Variants in PCDHGA5 observed in about 807,000 individuals in gnomAD.
The protein encoded by PCDHGA5 is protocadherin gamma subfamily A, 5, also known as protocadherin gamma-A5.
In PCDHGA5, 36 loss-of-function variants were observed where a neutral mutation model predicts 56.7. That is an observed-to-expected ratio of 0.64 (90% confidence interval 0.49 to 0.84). The LOEUF (loss-of-function observed/expected upper bound fraction) is 0.84. Among genes scored for constraint, PCDHGA5 ranks in the 40% least tolerant of loss-of-function variants. The pLI is 0.00. For missense variants in PCDHGA5, 1,305 were observed against 1,201.5 expected, an observed-to-expected ratio of 1.09 and a Z score of -1.27; for synonymous variants, 563 against 520.2, an observed-to-expected ratio of 1.08 and a Z score of -1.12.
rs563642216 is a variant in PCDHGA5, at chr5:141,376,735, G to A, written c.2421+9984G>A. The A allele has an allele frequency of 1.9e-5, 10 of 521,610 alleles. 1 individual carries two copies. The South Asian group carries it at 2.3e-4, about 12-fold the overall frequency. 32.3% of individuals were successfully genotyped at this position (521,610 alleles called of 1,614,324 possible). ...CGCTCTGTCGCCCAGGCCGGACTGC[G>A]GACTGCAGTGGCGCAATCTCGGCTC... On this transcript the variant is annotated intron_variant, in intron 1 of 3. Coordinates refer to ENST00000518069, the MANE Select transcript of PCDHGA5 (RefSeq NM_018918.3).
intron 1 of PCDHGA5, chr5:141,478,165 C>A: frequency 1.2e-6 from 2 of 1,614,038 alleles, no homozygotes; most frequent in Non-Finnish European, 1.7e-6. Context: ...GCTCTGCCCC[C>A]CGGGAGCAGA....
chr5:141,479,490 G>A (rs1334340000), intron 1 of PCDHGA5: 1 of 152,248 alleles, frequency 6.6e-6, no homozygotes, highest in Non-Finnish European at 1.5e-5. Context: ...AGGACCATCA[G>A]GTTGCCTAAA....
At position 141,376,453 on chromosome 5, in the gene PCDHGA5, T is replaced by G. The variant is rs779136467; in HGVS notation, c.2421+9702T>G. On this transcript the variant is annotated intron_variant, in intron 1 of 3. Transcript: ENST00000518069. ...AGGAGAGCTATGAGAAAAGCGAGCC[T>G]CTTCTGATAACTCAGGATTTACTTG... The G allele has an allele frequency of 1.9e-6, 3 of 1,614,166 alleles. No homozygotes were observed. The South Asian group carries it at 3.3e-5, about 18-fold the overall frequency.
At chr5:141,385,503 C>A in intron 1 of PCDHGA5, 1 of 1,379,554 alleles carries the variant, frequency 7.2e-7, no homozygotes, top group Non-Finnish European at 9.4e-7. Context: ...TATAGTATTT[C>A]TTTAGTGAAA....
chr5:141,421,338 A>G (rs560707757), intron 1 of PCDHGA5: 2 of 1,613,966 alleles, frequency 1.2e-6, no homozygotes, highest in Non-Finnish European at 1.7e-6. Context: ...ATTCGGTGCC[A>G]GAAGAGACCG....
intron 1 of PCDHGA5, chr5:141,372,329 T>G (rs374029933): frequency 2.5e-6 from 4 of 1,613,738 alleles, no homozygotes; most frequent in Non-Finnish European, 2.5e-6. Context: ...TGCTGGTCAC[T>G]GTGCGTGATG....
Position 141,464,284 on chromosome 5 carries a change from A to C in PCDHGA5, c.2422-30523A>C, listed in dbSNP as rs1237360752. ...CGTCTAAAAAAAAAAAAAAGCAAAA[A>C]AAAAAACTCCATTGTATGTGCACAT... On this transcript the variant is annotated intron_variant, in intron 1 of 3. Coordinates refer to ENST00000518069, the MANE Select transcript of PCDHGA5 (RefSeq NM_018918.3). 4.0e-5 allele frequency among the ~76,000 whole-genome samples: 6 copies of C among 151,546 alleles called. No individual in the cohort carries two copies. The South Asian group carries it at 1.0e-3, about 26-fold the overall frequency.
chr5:141,399,419 G>A, intron 1 of PCDHGA5: 1 of 1,614,000 alleles, frequency 6.2e-7, no homozygotes, highest in East Asian at 2.2e-5. Flanking sequence ...CTCTCCTCCA[G>A]CATAAGCGTC....
Position 141,379,889 on chromosome 5 carries a change from C to CTTTTTTTTTTTTTTTTTTT in PCDHGA5, c.2421+13150_2421+13168dup, listed in dbSNP as rs70988800. ...CTTATTTTATGGTCTGTGAAAGCCT[C>CTTTTTTTTTTTTTTTTTTT]TTTTTTTTTTTTTTTTTTTTTTTTT... On this transcript the variant is annotated intron_variant, in intron 1 of 3. Transcript: ENST00000518069. Among the ~76,000 whole-genome samples, 178 of 50,830 alleles carry CTTTTTTTTTTTTTTTTTTT rather than the reference C, an allele frequency of 3.5e-3. 28 individuals are homozygous for CTTTTTTTTTTTTTTTTTTT. Among genetic ancestry groups the CTTTTTTTTTTTTTTTTTTT allele is most frequent in the Non-Finnish European group, 5.0e-3 (129 of 25,880 alleles). The allele number at this position is 50,830 out of a possible 152,430, so 33.3% of individuals were successfully genotyped here.
chr5:141,431,571 A>T lies in PCDHGA5; in HGVS notation c.2422-63236A>T, dbSNP rs781289120. 1.2e-6 allele frequency: 2 copies of T among 1,614,026 alleles called. No homozygotes were observed. Among genetic ancestry groups the T allele is most frequent in the African/African-American group, 1.3e-5 (1 of 74,938 alleles). On this transcript the variant is annotated intron_variant, in intron 1 of 3. Coordinates refer to ENST00000518069, the MANE Select transcript of PCDHGA5 (RefSeq NM_018918.3). This position sits in a 1 kb window ranked among gnomAD's most constrained non-coding sequence, Gnocchi z 4.8. ...GTAGTCAACGCTACCGACCCTGACG[A>T]AGGAGTCAATGCGGAAGTGAGGTAT...
At chr5:141,500,360 T>C (rs1224064939) in intron 2 of PCDHGA5, among the ~76,000 whole-genome samples, 1 of 151,664 alleles carries the variant, frequency 6.6e-6, no homozygotes, top group Non-Finnish European at 1.5e-5. Context: ...AGGCGCCCAC[T>C]ACCACGCCCG....
chr5:141,510,986 G>A lies in PCDHGA5; in HGVS notation c.2609G>A (p.Gly870Asp), dbSNP rs754203270. The A allele has an allele frequency of 6.2e-7, 1 of 1,614,166 alleles. No individual in the cohort carries two copies. The highest frequency in any genetic ancestry group is 8.5e-7 in the Non-Finnish European group (1 of 1,180,012). The change falls in exon 4 of 4, where the codon GGC becomes GAC. Residue 870 changes from glycine to aspartate, a missense_variant. Physicochemically the swap from Gly to Asp is moderately conservative, Grantham distance 94. Transcript: ENST00000518069. ...DGSSTLGGGA[G>D]TMGLSARYGP... ...AGCTCCACCCTGGGAGGGGGTGCCG[G>A]CACCATGGGATTGAGCGCCCGCTAC... is the stretch of plus-strand genomic sequence containing the variant.
Position 141,409,074 on chromosome 5 carries a change from T to C in PCDHGA5, c.2421+42323T>C, listed in dbSNP as rs375843119. The C allele has an allele frequency of 4.3e-5, 69 of 1,613,884 alleles. No homozygotes were observed. Among genetic ancestry groups the C allele is most frequent in the South Asian group, 2.4e-4 (22 of 91,084 alleles). On this transcript the variant is annotated intron_variant, in intron 1 of 3. Coordinates refer to ENST00000518069, the MANE Select transcript of PCDHGA5 (RefSeq NM_018918.3). The stretch of plus-strand genomic sequence containing the variant: ...AGCACTGCCCAGAGCACAAAACATA[T>C]GTTCTCATTGGATGAGAAAACAGGT...
intron 1 of PCDHGA5, chr5:141,378,164 A>G (rs772489747): frequency 6.6e-6 from 1 of 152,258 alleles, no homozygotes; most frequent in African/African-American, 2.4e-5. Context: ...GTTGTTAACA[A>G]TAACTAAGCA....
At chr5:141,370,760 G>C (rs773157241) in intron 1 of PCDHGA5, 3 of 1,613,980 alleles carry the variant, frequency 1.9e-6, no homozygotes, top group Non-Finnish European at 8.5e-7. Context: ...TAACTGTGCT[G>C]ATCCAGGATA....
rs747283905 is a variant in PCDHGA5, at chr5:141,491,693, G to A, written c.2422-3114G>A. On this transcript the variant is annotated intron_variant, in intron 1 of 3. Transcript: ENST00000518069. The surrounding 1 kb of genome is among the most constrained non-coding windows in gnomAD (Gnocchi z 6.9). ...TCCCGCTCTAATACGCTGCGGGAGC[G>A]GAGCCAGGTGAGGGGCTCGGCGCCG... 3.7e-5 allele frequency: 59 copies of A among 1,612,434 alleles called. No homozygotes were observed. Among genetic ancestry groups the A allele is most frequent in the Non-Finnish European group, 4.7e-5 (55 of 1,179,352 alleles).
chr5:141,477,245 A>G lies in PCDHGA5; in HGVS notation c.2422-17562A>G. On this transcript the variant is annotated intron_variant, in intron 1 of 3. Transcript: ENST00000518069. The surrounding 1 kb of genome is among the most constrained non-coding windows in gnomAD (Gnocchi z 4.9). ...GACTGTCATCGCTTTGCTCAGTGTG[A>G]CTGACCTGGATGCTGGCGAGAACGG... 3.7e-6 allele frequency: 6 copies of G among 1,614,128 alleles called. No homozygotes were observed. The highest frequency in any genetic ancestry group is 5.1e-6 in the Non-Finnish European group (6 of 1,180,026).
Position 141,476,698 on chromosome 5 carries a change from G to T in PCDHGA5, c.2422-18109G>T. The T allele has an allele frequency of 4.3e-6, 7 of 1,614,056 alleles. No homozygotes were observed. Among genetic ancestry groups the T allele is most frequent in the Non-Finnish European group, 5.9e-6 (7 of 1,179,986 alleles). ...CGCGGGAGGACAGCACCAAGTACGC[G>T]GAGCTGGTGTTGGAGCGCGCCCTGG... On this transcript the variant is annotated intron_variant, in intron 1 of 3. Coordinates refer to ENST00000518069, the MANE Select transcript of PCDHGA5 (RefSeq NM_018918.3). The surrounding 1 kb of genome is among the most constrained non-coding windows in gnomAD (Gnocchi z 7.6).
At chr5:141,510,272 T>TAA (rs546154379) in intron 3 of PCDHGA5, among the ~76,000 whole-genome samples, 3,403 of 130,344 alleles carry the variant, frequency 0.026, 48 homozygotes, top group East Asian at 0.043. Context: ...GACTCCATCT[T>TAA]AAAAAAAAAA....
Sources: allele counts gnomAD v4.1 joint callset (sites outside exome capture counted in the v4.1 genomes callset), GRCh38; gene constraint gnomAD v4.1.1; non-coding constraint Gnocchi (gnomAD v3.1); transcripts MANE v1.5; gene names NCBI Gene and HGNC (gene_info 2026-07-23, HGNC 2026-07-21).